The following ERBB4 variants were observed in gnomAD, a reference collection of about 807,000 sequenced individuals.
The protein encoded by ERBB4 is receptor tyrosine-protein kinase erbB-4.
Under a neutral mutation model 158.0 loss-of-function variants are expected in ERBB4, and 42 were observed. That is an observed-to-expected ratio of 0.27 (90% CI 0.21 to 0.34). ERBB4 has a LOEUF of 0.34. ERBB4 is among the 10% of genes least tolerant of loss of function. The pLI, the probability that ERBB4 is intolerant of heterozygous loss-of-function variation, is 1.00. For synonymous variants in ERBB4, 583 were observed against 558.7 expected (o/e 1.04, Z -0.61); for missense variants, 1,333 against 1,624.1 (o/e 0.82, Z 3.08).
In ERBB4 at chr2:212,181,639, TGACA is replaced by T. The variant is rs2081868979; in HGVS notation, c.83-56740_83-56737del. 2.0e-5 allele frequency among the ~76,000 whole-genome samples: 3 copies of T among 151,796 alleles called. No individual in the cohort carries two copies. The South Asian group carries it at 6.2e-4, about 31-fold the overall frequency. On this transcript the variant is annotated intron_variant, in intron 1 of 27. Transcript: ENST00000342788. ...ATGCGTAGCAGTTATGCTTCATGAC[TGACA>T]ATTATGTCATATAAAAAATAAGTCA...
At chr2:212,435,661 G>A (rs544349299) in intron 1 of ERBB4, among the ~76,000 whole-genome samples, 94 of 151,816 alleles carry the variant, frequency 6.2e-4, no homozygotes, top group African/African-American at 2.1e-3. Context: ...ATGCACACAC[G>A]AAATCCCAGG....
chr2:212,318,822 G>A (rs897392644), intron 1 of ERBB4, among the ~76,000 whole-genome samples: 2 of 151,546 alleles, frequency 1.3e-5, no homozygotes, highest in African/African-American at 2.4e-5. Flanking sequence ...TGAAACTTCC[G>A]GTCTTCTTAC....
intron 3 of ERBB4, among the ~76,000 whole-genome samples, chr2:211,871,428 T>G (rs1465564061): frequency 6.6e-6 from 1 of 152,098 alleles, no homozygotes; most frequent in Non-Finnish European, 1.5e-5. Flanking sequence ...TGCCAATAAA[T>G]TAATTGATTA....
chr2:211,733,642 C>T (rs1187032483), intron 5 of ERBB4, among the ~76,000 whole-genome samples: 1 of 149,852 alleles, frequency 6.7e-6, no homozygotes, highest in Non-Finnish European at 1.5e-5. Flanking sequence ...TAACAGACAT[C>T]TCCACATCTA....
At chr2:211,759,142 G>T (rs558094191) in intron 4 of ERBB4, among the ~76,000 whole-genome samples, 1 of 151,852 alleles carries the variant, frequency 6.6e-6, no homozygotes, top group African/African-American at 2.4e-5. Flanking sequence ...GTTTTCTTTC[G>T]TCTTACAGCC....
At chr2:211,687,509 A>ATTTTTAGCATTGTATGTTTGTTTGTTG (rs1247240517) in intron 12 of ERBB4, among the ~76,000 whole-genome samples, 2 of 106,630 alleles carry the variant, frequency 1.9e-5, no homozygotes, top group South Asian at 3.5e-4. Flanking sequence ...TTTGTTTGTT[A>ATTTTTAGCATTGTATGTTTGTTTGTTG]TTTTTAGCAT....
At chr2:211,586,284 C>T (rs1028462481) in intron 19 of ERBB4, among the ~76,000 whole-genome samples, 3 of 152,002 alleles carry the variant, frequency 2.0e-5, no homozygotes, top group Admixed American at 6.5e-5. Context: ...ATCATAAAAA[C>T]TAATCTCTTT....
chr2:211,981,958 G>GT (rs759252031), intron 2 of ERBB4, among the ~76,000 whole-genome samples: 1 of 152,006 alleles, frequency 6.6e-6, no homozygotes, highest in Non-Finnish European at 1.5e-5. Context: ...CAGCTGGTTA[G>GT]TAAGTTTTAT....
chr2:212,189,381 T>A (rs2082122816), intron 1 of ERBB4, among the ~76,000 whole-genome samples: 1 of 152,190 alleles, frequency 6.6e-6, no homozygotes, highest in African/African-American at 2.4e-5. Flanking sequence ...ATCCTCTCCA[T>A]CACTAATTAT....
chr2:212,251,350 A>C, intron 1 of ERBB4, among the ~76,000 whole-genome samples: 1 of 152,036 alleles, frequency 6.6e-6, no homozygotes, highest in Admixed American at 6.6e-5. Flanking sequence ...TTTAATATGC[A>C]GCAGGCATCA....
At position 212,426,795 on chromosome 2, in the gene ERBB4, G is replaced by A. The variant is rs540728254; in HGVS notation, c.82+111654C>T. On this transcript the variant is annotated intron_variant, in intron 1 of 27. Transcript: ENST00000342788. ...CTAGGATCACATAGCAGAACTAAAA[G>A]CTAACTGGCCCACCCACAAAGTAAA... Among the ~76,000 whole-genome samples the A allele has an allele frequency of 2.8e-4, 42 of 152,104 alleles. No individual in the cohort carries two copies. The South Asian group carries it at 8.7e-3, about 32-fold the overall frequency.
intron 2 of ERBB4, among the ~76,000 whole-genome samples, chr2:212,048,168 G>A (rs1484968867): frequency 2.6e-5 from 4 of 152,170 alleles, no homozygotes; most frequent in Non-Finnish European, 5.9e-5. Flanking sequence ...GCATGGCTAA[G>A]GAAGGTGAGA....
intron 1 of ERBB4, among the ~76,000 whole-genome samples, chr2:212,187,812 T>A (rs1228262003): frequency 6.6e-6 from 1 of 152,064 alleles, no homozygotes; most frequent in Non-Finnish European, 1.5e-5. Context: ...TTCAGAGACA[T>A]GAGTGATCTT....
chr2:212,149,951 C>A (rs1336977062), intron 1 of ERBB4, among the ~76,000 whole-genome samples: 1 of 152,140 alleles, frequency 6.6e-6, no homozygotes, highest in Non-Finnish European at 1.5e-5. Context: ...ATCAGGAACA[C>A]TTAACTCCAG....
chr2:212,167,875 T>C (rs1404409156), intron 1 of ERBB4, among the ~76,000 whole-genome samples: 2 of 151,872 alleles, frequency 1.3e-5, no homozygotes, highest in African/African-American at 4.8e-5. Context: ...CACTCATAAG[T>C]GGGAGTTGCA....
chr2:212,129,194 T>C (rs908275060), intron 1 of ERBB4, among the ~76,000 whole-genome samples: 4 of 151,612 alleles, frequency 2.6e-5, no homozygotes, highest in Non-Finnish European at 5.9e-5. Context: ...ATTTATGTTG[T>C]ATAGTTTCTC....
chr2:212,045,654 G>A (rs555612709), intron 2 of ERBB4, among the ~76,000 whole-genome samples: 1 of 152,256 alleles, frequency 6.6e-6, no homozygotes, highest in East Asian at 1.9e-4. Context: ...AGACTGAACA[G>A]TACCAACATG....
chr2:211,445,009 G>A lies in ERBB4; in HGVS notation c.2488-13909C>T, dbSNP rs184857531. ...ACATTCTAGACATAATAAAAAGCAC[G>A]TAAAAAGGATAGAGTTCTAAAAGGT... On this transcript the variant is annotated intron_variant, in intron 20 of 27. Coordinates refer to ENST00000342788, the MANE Select transcript of ERBB4 (RefSeq NM_005235.3). 9.9e-5 allele frequency among the ~76,000 whole-genome samples: 15 copies of A among 152,160 alleles called. No homozygotes were observed. In the South Asian group the frequency reaches 2.5e-3, roughly 25 times the overall value.
chr2:211,610,301 A>G, intron 19 of ERBB4, among the ~76,000 whole-genome samples: 1 of 152,146 alleles, frequency 6.6e-6, no homozygotes, highest in East Asian at 1.9e-4. Flanking sequence ...CCCTATGAAT[A>G]ACTAATTACT....
Sources: gnomAD v4.1 joint callset for allele counts (sites outside exome capture counted in the v4.1 genomes callset) on GRCh38, gnomAD v4.1.1 for gene constraint, MANE v1.5 for transcripts, NCBI Gene and HGNC (gene_info 2026-07-23, HGNC 2026-07-21) for gene names.